The following HCN1 variants were observed in gnomAD, a reference collection of about 807,000 sequenced individuals.
HCN1 encodes the protein potassium/sodium hyperpolarization-activated cyclic nucleotide-gated channel 1.
In HCN1, 13 loss-of-function variants were observed where a neutral mutation model predicts 78.9. The ratio of observed to expected loss-of-function variants is 0.16; its 90% CI spans 0.11 to 0.26. HCN1 has a LOEUF of 0.26. HCN1 is among the 10% of genes least tolerant of loss of function. HCN1 has a pLI of 1.00. For synonymous variants in HCN1, 552 were observed against 455.5 expected (o/e 1.21, Z -2.70); for missense variants, 810 against 1,154.3 (o/e 0.70, Z 4.32).
chr5:45,621,563 T>C (rs114209705), intron 2 of HCN1, among the ~76,000 whole-genome samples: 372 of 152,308 alleles, frequency 2.4e-3, no homozygotes, highest in Non-Finnish European at 4.4e-3. Context: ...AGCTTTATTA[T>C]TTATTTATGA....
At chr5:45,675,237 T>C (rs1746244594) in intron 1 of HCN1, among the ~76,000 whole-genome samples, 1 of 151,734 alleles carries the variant, frequency 6.6e-6, no homozygotes, top group Non-Finnish European at 1.5e-5. Flanking sequence ...TGGCATGAGA[T>C]CAACTTTTGT....
rs942201830 is a variant in HCN1, at chr5:45,510,694, C to T, written c.850-48687G>A. 4.3e-4 allele frequency among the ~76,000 whole-genome samples: 66 copies of T among 152,044 alleles called. 1 individual carries two copies. ...CTGAAGAATGAGGACCTGATTCTAC[C>T]ATGTTGTCAAACTGCTCTGTGTTCT... On this transcript the variant is annotated intron_variant, in intron 2 of 7. Coordinates refer to ENST00000303230, the MANE Select transcript of HCN1 (RefSeq NM_021072.4).
At chr5:45,640,533 G>A (rs1442661946) in intron 2 of HCN1, among the ~76,000 whole-genome samples, 2 of 151,690 alleles carry the variant, frequency 1.3e-5, no homozygotes, top group Non-Finnish European at 2.9e-5. Context: ...ACGATAGAGT[G>A]TGTCAATGTA....
chr5:45,612,103 AGTC>A (rs1744850670), intron 2 of HCN1, among the ~76,000 whole-genome samples: 1 of 152,194 alleles, frequency 6.6e-6, no homozygotes. Flanking sequence ...ATCTCCCAGT[AGTC>A]AATATGTTAT....
chr5:45,546,833 A>T (rs1743240378), intron 2 of HCN1, among the ~76,000 whole-genome samples: 1 of 151,868 alleles, frequency 6.6e-6, no homozygotes, highest in Non-Finnish European at 1.5e-5. Context: ...ATGGCAGTTC[A>T]ATTCTTCAGA....
chr5:45,607,456 T>C (rs1451047611), intron 2 of HCN1, among the ~76,000 whole-genome samples: 1 of 151,574 alleles, frequency 6.6e-6, no homozygotes, highest in African/African-American at 2.4e-5. Context: ...AAGTTGGATT[T>C]ATTCCAGGAA....
At chr5:45,663,158 C>T (rs2112061991) in intron 1 of HCN1, among the ~76,000 whole-genome samples, 1 of 138,198 alleles carries the variant, frequency 7.2e-6, no homozygotes, top group South Asian at 2.5e-4. Context: ...TGCCGCATAT[C>T]TACAACTATC....
chr5:45,503,520 C>A (rs1369334645), intron 2 of HCN1, among the ~76,000 whole-genome samples: 1 of 151,718 alleles, frequency 6.6e-6, no homozygotes, highest in East Asian at 1.9e-4. Flanking sequence ...TGAAGAAAGA[C>A]AATCCAAAAA....
intron 4 of HCN1, among the ~76,000 whole-genome samples, chr5:45,391,447 T>C (rs900556565): frequency 6.6e-6 from 1 of 152,172 alleles, no homozygotes; most frequent in Non-Finnish European, 1.5e-5. Flanking sequence ...AGGATGTAAC[T>C]TTTTTCTTTT....
chr5:45,645,657 C>T (rs758402965), intron 1 of HCN1, 49 bp from the exon 2 acceptor site: 1 of 1,218,290 alleles, frequency 8.2e-7, no homozygotes, highest in South Asian at 1.3e-5. Context: ...AATAACCAGC[C>T]TATCCCCCCC....
intron 4 of HCN1, among the ~76,000 whole-genome samples, chr5:45,396,278 A>G (rs1487689174): frequency 2.0e-5 from 3 of 152,186 alleles, no homozygotes; most frequent in African/African-American, 7.2e-5. Context: ...ACATTTAAAA[A>G]GATTATTATT....
At chr5:45,312,070 T>G (rs1745861490) in intron 5 of HCN1, among the ~76,000 whole-genome samples, 2 of 152,188 alleles carry the variant, frequency 1.3e-5, no homozygotes, top group Admixed American at 1.3e-4. Flanking sequence ...TGACATGAGA[T>G]AGAAATGTTT....
intron 6 of HCN1, among the ~76,000 whole-genome samples, chr5:45,270,596 G>A (rs1347710890): frequency 1.3e-5 from 2 of 152,044 alleles, no homozygotes; most frequent in Non-Finnish European, 2.9e-5. Flanking sequence ...CATGCATCAG[G>A]TTACTTTGTG....
In HCN1 at chr5:45,372,899, G is replaced by A. The variant is rs866576107; in HGVS notation, c.1231-19653C>T. Among the ~76,000 whole-genome samples the A allele has an allele frequency of 2.1e-3, 299 of 139,354 alleles. 1 individual carries two copies. The highest frequency in any genetic ancestry group is 7.0e-3 in the African/African-American group (270 of 38,632). The allele number at this position is 139,354 out of a possible 152,430, so 91.4% of individuals were successfully genotyped here. A position where few individuals can be genotyped will look rare whatever the true frequency, so the allele number is the denominator to read the frequency against. On this transcript the variant is annotated intron_variant, in intron 4 of 7. Coordinates refer to ENST00000303230, the MANE Select transcript of HCN1 (RefSeq NM_021072.4). ...GTATTCTATACACAAAAATATGTAC[G>A]TATTCTATACATAAAAATATACACG...
chr5:45,520,622 G>A (rs1742596840), intron 2 of HCN1, among the ~76,000 whole-genome samples: 1 of 151,802 alleles, frequency 6.6e-6, no homozygotes, highest in African/African-American at 2.4e-5. Context: ...ATTCTATGAT[G>A]CTTATTTTAT....
intron 3 of HCN1, among the ~76,000 whole-genome samples, chr5:45,397,383 T>C (rs1479291180): frequency 1.2e-4 from 19 of 152,112 alleles, no homozygotes; most frequent in Admixed American, 1.2e-3. Context: ...TTGGCTTATG[T>C]CCTGGAGAAA....
chr5:45,537,153 T>C (rs1742982304), intron 2 of HCN1, among the ~76,000 whole-genome samples: 1 of 152,198 alleles, frequency 6.6e-6, no homozygotes, highest in Non-Finnish European at 1.5e-5. Context: ...TTCTCAAGAC[T>C]GTAATAGGGT....
chr5:45,392,638 A>T (rs768394025), intron 4 of HCN1, among the ~76,000 whole-genome samples: 28 of 152,136 alleles, frequency 1.8e-4, no homozygotes, highest in Admixed American at 7.9e-4. Context: ...GGAGTTCTAG[A>T]CCAGCCTGGC....
At chr5:45,343,081 T>A (rs1353000313) in intron 5 of HCN1, among the ~76,000 whole-genome samples, 1 of 152,122 alleles carries the variant, frequency 6.6e-6, no homozygotes, top group Non-Finnish European at 1.5e-5. Context: ...GGAGAGACAT[T>A]TCTGGAACAC....
Sources: allele counts gnomAD v4.1 joint callset (sites outside exome capture counted in the v4.1 genomes callset), GRCh38; gene constraint gnomAD v4.1.1; transcripts MANE v1.5; gene names NCBI Gene and HGNC (gene_info 2026-07-23, HGNC 2026-07-21).